The following ZNF722 variants were observed in gnomAD, a reference collection of about 807,000 sequenced individuals.
ZNF722 encodes the protein zinc finger protein 722.
At chr7:64,011,654 C>T in the ZNF722 span, among the ~76,000 whole-genome samples, 36 of 151,920 alleles carry the variant, frequency 2.4e-4, no homozygotes, top group Admixed American at 2.6e-4. Context: ...GTGGGTAACC[C>T]GGCCTTTCTC....
the ZNF722 span, among the ~76,000 whole-genome samples, chr7:64,003,512 A>G: frequency 2.0e-5 from 3 of 152,284 alleles, no homozygotes; most frequent in Non-Finnish European, 2.9e-5. Flanking sequence ...TTCTTGGTGA[A>G]CATGTCTCAG....
At chr7:64,014,366 A>AT in the ZNF722 span, among the ~76,000 whole-genome samples, 2 of 151,838 alleles carry the variant, frequency 1.3e-5, no homozygotes, top group Non-Finnish European at 2.9e-5. Flanking sequence ...GAAAATTTTG[A>AT]TTTTTTTGAT....
At chr7:64,014,898 A>C in the ZNF722 span, 2 of 726,880 alleles carry the variant, frequency 2.8e-6, no homozygotes, top group South Asian at 4.0e-5. Context: ...TCTATGAAGG[A>C]ATTATGGCCT....
the ZNF722 span, among the ~76,000 whole-genome samples, chr7:64,007,864 G>A: frequency 6.6e-6 from 1 of 152,180 alleles, no homozygotes; most frequent in African/African-American, 2.4e-5. Context: ...CACCAACAGT[G>A]TAAAAGTGTT....
the ZNF722 span, among the ~76,000 whole-genome samples, chr7:64,007,263 T>TATA: frequency 6.7e-6 from 1 of 149,518 alleles, no homozygotes; most frequent in African/African-American, 2.5e-5. Flanking sequence ...TATTTATACT[T>TATA]TAAGTTCTAG....
At chr7:64,016,255 C>T in the ZNF722 span, 1 of 201,912 alleles carries the variant, frequency 5.0e-6, no homozygotes, top group African/African-American at 2.4e-5. Flanking sequence ...TCTCCTCCCT[C>T]AGCCTCCTGA....
At chr7:64,004,426 ATATAT>A in the ZNF722 span, among the ~76,000 whole-genome samples, 317 of 47,648 alleles carry the variant, frequency 6.7e-3, 5 homozygotes, top group Middle Eastern at 0.024. Flanking sequence ...AAAAAAAAAA[ATATAT>A]ATATATATAT....
chr7:64,004,428 ATATATAT>A, the ZNF722 span, among the ~76,000 whole-genome samples: 11 of 64,262 alleles, frequency 1.7e-4, no homozygotes, highest in Non-Finnish European at 3.0e-4. Flanking sequence ...AAAAAAAAAT[ATATATAT>A]ATATATATAT....
chr7:64,006,375 G>A, the ZNF722 span: 17 of 1,113,394 alleles, frequency 1.5e-5, no homozygotes, highest in African/African-American at 2.6e-4. Context: ...AAATCAACAA[G>A]GCAGCCAGTC....
chr7:64,006,190 A>G, the ZNF722 span: 2 of 1,099,516 alleles, frequency 1.8e-6, no homozygotes, highest in Non-Finnish European at 2.5e-6. Flanking sequence ...GAATTCAGCA[A>G]GATTTATCTT....
chr7:64,004,246 A>G, the ZNF722 span, among the ~76,000 whole-genome samples: 7 of 149,642 alleles, frequency 4.7e-5, no homozygotes, highest in African/African-American at 9.8e-5. Flanking sequence ...ACGGAAAAAA[A>G]AAAAAATACA....
At chr7:64,007,852 C>T in the ZNF722 span, among the ~76,000 whole-genome samples, 1 of 152,190 alleles carries the variant, frequency 6.6e-6, no homozygotes, top group Non-Finnish European at 1.5e-5. Context: ...AGTTTACAGT[C>T]CCACCAACAG....
chr7:64,011,661 T>C, the ZNF722 span, among the ~76,000 whole-genome samples: 1 of 152,170 alleles, frequency 6.6e-6, no homozygotes. Context: ...ACCCGGCCTT[T>C]CTCTCTGGCT....
the ZNF722 span, chr7:64,015,213 T>A: frequency 7.9e-7 from 1 of 1,265,796 alleles, no homozygotes; most frequent in Non-Finnish European, 1.2e-6. Flanking sequence ...GCAATGTTTG[T>A]CAAATACCCA....
chr7:64,015,301 A>G, the ZNF722 span: 1 of 1,265,996 alleles, frequency 7.9e-7, no homozygotes, highest in Non-Finnish European at 1.1e-6. Flanking sequence ...GAAACAAGAT[A>G]TACTGGAAAG....
At chr7:64,002,919 C>T in the ZNF722 span, among the ~76,000 whole-genome samples, 1 of 152,186 alleles carries the variant, frequency 6.6e-6, no homozygotes, top group Non-Finnish European at 1.5e-5. Flanking sequence ...GTAAGGGACT[C>T]TGCTGTGCCT....
the ZNF722 span, chr7:64,006,111 C>A: frequency 3.2e-6 from 2 of 620,634 alleles, no homozygotes; most frequent in Non-Finnish European, 5.0e-6. Context: ...TGTTATGAAT[C>A]AACTTTAATT....
chr7:64,005,455 A>C, the ZNF722 span, among the ~76,000 whole-genome samples: 1 of 152,224 alleles, frequency 6.6e-6, no homozygotes, highest in Admixed American at 6.5e-5. Flanking sequence ...CTTCAGTGTT[A>C]AAAATTATCT....
At chr7:64,014,073 G>A in the ZNF722 span, among the ~76,000 whole-genome samples, 1 of 151,444 alleles carries the variant, frequency 6.6e-6, no homozygotes. Flanking sequence ...TCTGGTTTGT[G>A]ACTTTTGAAA....
Sources: allele counts gnomAD v4.1 joint callset (sites outside exome capture counted in the v4.1 genomes callset), GRCh38; gene constraint gnomAD v4.1.1; transcripts MANE v1.5; gene names NCBI Gene and HGNC (gene_info 2026-07-23, HGNC 2026-07-21).